Variants in VAC14 observed in about 807,000 individuals in gnomAD.
VAC14 encodes the protein VAC14 component of PIKFYVE complex.
Under a neutral mutation model 85.3 loss-of-function variants are expected in VAC14, and 47 were observed. The observed-to-expected ratio is 0.55, with a 90% CI of 0.44 to 0.70. VAC14 has a LOEUF of 0.70. Ranked by LOEUF, VAC14 falls within the 30% of genes least tolerant of loss-of-function variation. The pLI is 0.00. For missense variants in VAC14, 861 were observed against 1,004.3 expected, an observed-to-expected ratio of 0.86 and a Z score of 1.93; for synonymous variants, 447 against 430.5, an observed-to-expected ratio of 1.04 and a Z score of -0.47.
intron 14 of VAC14, among the ~76,000 whole-genome samples, chr16:70,705,360 C>T (rs557637222): frequency 4.0e-4 from 61 of 152,366 alleles, no homozygotes; most frequent in South Asian, 1.9e-3. Context: ...TGCCCTTCTG[C>T]CAGCACTGGC....
rs545108090 is a variant in VAC14 at position 70,727,417 on chromosome 16, G to A, written c.1661+4078C>T. Reference sequence around the variant, plus strand: ...TGCAGTGGTGTGATCTTGGCTCACTGCAACCTCCGCCTCCTGGGTTCAAGC... The same window carrying A: ...TGCAGTGGTGTGATCTTGGCTCACTACAACCTCCGCCTCCTGGGTTCAAGC... On this transcript the variant is annotated intron_variant, in intron 14 of 18. Transcript: ENST00000261776. Among the ~76,000 whole-genome samples the A allele has an allele frequency of 7.9e-5, 12 of 152,288 alleles. No homozygotes were observed. In the South Asian group the frequency reaches 1.9e-3, roughly 24 times the overall value.
At chr16:70,763,107 T>C (rs1009097389) in intron 10 of VAC14, 82 bp from the exon 11 acceptor site, 11 of 1,581,934 alleles carry the variant, frequency 7.0e-6, no homozygotes, top group Non-Finnish European at 8.6e-6. Flanking sequence ...ACCCTGGGCC[T>C]GCACATCCTG....
rs574738162 is a variant in VAC14 at position 70,704,219 on chromosome 16, G to A, written c.1662-5408C>T. Among the ~76,000 whole-genome samples, 5 of 152,376 alleles carry A rather than the reference G, an allele frequency of 3.3e-5. No individual in the cohort carries two copies. In the East Asian group the frequency reaches 7.7e-4, roughly 24 times the overall value. On this transcript the variant is annotated intron_variant, in intron 14 of 18. Coordinates refer to ENST00000261776, the MANE Select transcript of VAC14 (RefSeq NM_018052.5). ...GTCAACTGGCTTTGTAGGTGCCGCA[G>A]TGTCTGGGTGGCTCTAGACTGGCCA...
At chr16:70,732,770 G>C (rs1169408375) in intron 13 of VAC14, among the ~76,000 whole-genome samples, 1 of 151,904 alleles carries the variant, frequency 6.6e-6, no homozygotes, top group Non-Finnish European at 1.5e-5. Flanking sequence ...AGCCTCTTGA[G>C]TGCTGAGATT....
Position 70,689,998 on chromosome 16 carries a change from C to A in VAC14, c.2187-1908G>T, listed in dbSNP as rs548669066. 95 of 985,472 alleles carry A rather than the reference C, an allele frequency of 9.6e-5. No individual in the cohort carries two copies. In the African/African-American group the frequency reaches 1.6e-3, roughly 16 times the overall value. 61.0% of individuals were successfully genotyped at this position (985,472 alleles called of 1,614,324 possible). A position where few individuals can be genotyped will look rare whatever the true frequency, so the allele number is the denominator to read the frequency against. On this transcript the variant is annotated intron_variant, in intron 18 of 18. Transcript: ENST00000261776. ...AAGTGTGTCTTCTGATGCTGGGCAC[C>A]CACAGGTCTGTGCGTTGCTCCCCAT...
chr16:70,711,683 C>A (rs956490429), intron 14 of VAC14, among the ~76,000 whole-genome samples: 2 of 152,182 alleles, frequency 1.3e-5, no homozygotes, highest in African/African-American at 4.8e-5. Context: ...GCCCTGGGCA[C>A]GGGCCATTCC....
At position 70,697,272 on chromosome 16, in the gene VAC14, G is replaced by A. The variant is rs765055227; in HGVS notation, c.1837-15C>T. On this transcript the variant is annotated splice_polypyrimidine_tract_variant and intron_variant, in intron 15 of 18. Coordinates refer to ENST00000261776, the MANE Select transcript of VAC14 (RefSeq NM_018052.5). The stretch of plus-strand genomic sequence containing the variant: ...TTCTGGCTCTCCTGTGGGGGAACAG[G>A]CATGAGCCGTGAGGACACGCCTGCT... 3.7e-6 allele frequency: 6 copies of A among 1,607,922 alleles called. No homozygotes were observed. The Admixed American group carries it at 1.0e-4, about 27-fold the overall frequency.
intron 18 of VAC14, chr16:70,688,381 C>T: frequency 9.3e-7 from 1 of 1,076,988 alleles, no homozygotes; most frequent in South Asian, 4.5e-5. Flanking sequence ...GAAGCATTTC[C>T]TGTTTACGAG....
intron 12 of VAC14, among the ~76,000 whole-genome samples, chr16:70,756,353 G>C (rs1432301820): frequency 6.6e-6 from 1 of 152,206 alleles, no homozygotes; most frequent in Non-Finnish European, 1.5e-5. Context: ...CCTGGCCCCA[G>C]TGAGTGCTCT....
chr16:70,710,956 G>C (rs2054020392), intron 14 of VAC14, among the ~76,000 whole-genome samples: 5 of 152,374 alleles, frequency 3.3e-5, no homozygotes, highest in Admixed American at 2.6e-4. Flanking sequence ...TTCCGGCCAG[G>C]GGCTGCCATT....
chr16:70,761,016 T>TGTGTGCGC lies in VAC14; in HGVS notation c.1371+1523_1371+1524insGCGCACAC, dbSNP rs1413571677. 4 of 300,908 alleles carry TGTGTGCGC rather than the reference T, an allele frequency of 1.3e-5. No homozygotes were observed. The African/African-American group carries it at 1.7e-4, about 13-fold the overall frequency. The allele number at this position is 300,908 out of a possible 1,614,324, so 18.6% of individuals were successfully genotyped here. On this transcript the variant is annotated intron_variant, in intron 12 of 18. Transcript: ENST00000261776. Reference sequence around the variant, plus strand: ...GTGTGTGTGTGTGTGTGTGTGTGTGTGTGCATGGGGGGGCGGGGGGTAGGC... The same window carrying TGTGTGCGC: ...GTGTGTGTGTGTGTGTGTGTGTGTGTGTGTGCGCGTGCATGGGGGGGCGGGGGGTAGGC...
At chr16:70,710,642 C>T (rs150465781) in intron 14 of VAC14, among the ~76,000 whole-genome samples, 82 of 152,348 alleles carry the variant, frequency 5.4e-4, no homozygotes, top group Non-Finnish European at 1.0e-3. Context: ...CCAGCTGCTG[C>T]GTATTCCACA....
rs1555523169 is a variant in VAC14, at chr16:70,761,018, T to TGTGC, written c.1371+1521_1371+1522insGCAC. The TGTGC allele has an allele frequency of 1.6e-4, 42 of 267,834 alleles. 3 individuals are homozygous for TGTGC. Among genetic ancestry groups the TGTGC allele is most frequent in the African/African-American group, 6.4e-4 (15 of 23,496 alleles). 16.6% of individuals were successfully genotyped at this position (267,834 alleles called of 1,614,324 possible). A position where few individuals can be genotyped will look rare whatever the true frequency, so the allele number is the denominator to read the frequency against. On this transcript the variant is annotated intron_variant, in intron 12 of 18. Transcript: ENST00000261776. ...GTGTGTGTGTGTGTGTGTGTGTGTG[T>TGTGC]GCATGGGGGGGCGGGGGGTAGGCAG... is the stretch of plus-strand genomic sequence containing the variant.
intron 13 of VAC14, 35 bp from the exon 14 acceptor site, chr16:70,731,662 G>T: frequency 6.4e-7 from 1 of 1,563,932 alleles, no homozygotes; most frequent in Non-Finnish European, 8.7e-7. Context: ...CATTTATTCT[G>T]ATTATGTGTC....
Position 70,696,524 on chromosome 16 carries a change from C to T in VAC14, c.1955+615G>A, listed in dbSNP as rs376538383. Among the ~76,000 whole-genome samples, 21 of 152,294 alleles carry T rather than the reference C, an allele frequency of 1.4e-4. No homozygotes were observed. In the East Asian group the frequency reaches 2.3e-3, roughly 17 times the overall value. ...CAAGACTCCACCTCAAAAAACAAAA[C>T]ATCTAACTCTGGATGCCTTTTGATG... On this transcript the variant is annotated intron_variant, in intron 16 of 18. Coordinates refer to ENST00000261776, the MANE Select transcript of VAC14 (RefSeq NM_018052.5).
intron 13 of VAC14, among the ~76,000 whole-genome samples, chr16:70,734,304 A>G (rs748047347): frequency 5.3e-5 from 8 of 151,714 alleles, no homozygotes; most frequent in Non-Finnish European, 1.0e-4. Context: ...ACACCCAGCT[A>G]AATTTTTTCT....
At chr16:70,694,055 C>T (rs2053655957) in intron 17 of VAC14, among the ~76,000 whole-genome samples, 1 of 152,224 alleles carries the variant, frequency 6.6e-6, no homozygotes, top group Non-Finnish European at 1.5e-5. Context: ...CTTTGGGAAG[C>T]AGGCACTGCC....
intron 14 of VAC14, among the ~76,000 whole-genome samples, chr16:70,718,884 T>C (rs765992414): frequency 1.3e-5 from 2 of 151,974 alleles, no homozygotes; most frequent in South Asian, 4.1e-4. Context: ...CAAAACAGCA[T>C]GGCTGACCTC....
chr16:70,766,156 GAAAA>G (rs60494478), intron 10 of VAC14, among the ~76,000 whole-genome samples: 1 of 94,554 alleles, frequency 1.1e-5, no homozygotes, highest in Admixed American at 1.2e-4. Flanking sequence ...TGTCCCAAAA[GAAAA>G]AAAAAAAAAA....
Sources: gnomAD v4.1 joint callset for allele counts (sites outside exome capture counted in the v4.1 genomes callset) on GRCh38, gnomAD v4.1.1 for gene constraint, MANE v1.5 for transcripts, NCBI Gene and HGNC (gene_info 2026-07-23, HGNC 2026-07-21) for gene names.